The following SRGAP2C variants were observed in gnomAD, a reference collection of about 807,000 sequenced individuals.
The protein encoded by SRGAP2C is SLIT-ROBO Rho GTPase activating protein 2C, also known as SLIT-ROBO Rho GTPase-activating protein 2C.
A neutral mutation model predicts 25.1 loss-of-function variants in SRGAP2C; 15 were observed. That is an observed-to-expected ratio of 0.60 (90% confidence interval 0.40 to 0.92). SRGAP2C has a LOEUF of 0.92. SRGAP2C is among the 40% of genes least tolerant of loss of function. The probability of loss-of-function intolerance (pLI) is 0.00; values close to 1 mark genes in which losing one functional copy is unlikely to be tolerated. For synonymous variants in SRGAP2C, 44 were observed against 96.6 expected (o/e 0.46, Z 3.19); for missense variants, 144 against 264.4 (o/e 0.54, Z 3.16).
intron 3 of SRGAP2C, chr1:121,314,893 G>C: frequency 1.6e-6 from 1 of 630,256 alleles, no homozygotes; most frequent in Non-Finnish European, 2.7e-6. Flanking sequence ...CTGTAGACCG[G>C]AGCTGTTCCT....
At chr1:121,231,104 C>T (rs1655807363) in intron 2 of SRGAP2C, among the ~76,000 whole-genome samples, 1 of 124,518 alleles carries the variant, frequency 8.0e-6, no homozygotes, top group African/African-American at 3.3e-5. Flanking sequence ...TTGATGGGGG[C>T]AGCAAACCAC....
chr1:121,304,210 CA>C (rs1174072520), intron 3 of SRGAP2C, among the ~76,000 whole-genome samples: 4,750 of 21,358 alleles, frequency 0.22, 187 homozygotes, highest in East Asian at 0.39. Flanking sequence ...GACTCCATAT[CA>C]AAAAAAAAAA....
intron 2 of SRGAP2C, among the ~76,000 whole-genome samples, chr1:121,282,810 G>A (rs1443613897): frequency 4.0e-5 from 6 of 148,500 alleles, no homozygotes; most frequent in Admixed American, 3.4e-4. Flanking sequence ...CGCCCGCCTC[G>A]GCCTCCCAAA....
chr1:121,204,606 A>G (rs1655071902), intron 2 of SRGAP2C, among the ~76,000 whole-genome samples: 2 of 152,220 alleles, frequency 1.3e-5, no homozygotes, highest in African/African-American at 4.8e-5. Flanking sequence ...CTTTTAGGCC[A>G]TCTTGCTTTT....
chr1:121,361,324 A>AAATGT (rs1484932656), intron 4 of SRGAP2C: 3 of 124,258 alleles, frequency 2.4e-5, no homozygotes, highest in Non-Finnish European at 5.2e-5. Context: ...CAAGCTCAGG[A>AAATGT]AATGTACTGA....
At chr1:121,336,005 G>A (rs1262503940) in intron 4 of SRGAP2C, among the ~76,000 whole-genome samples, 1 of 150,734 alleles carries the variant, frequency 6.6e-6, no homozygotes, top group Non-Finnish European at 1.5e-5. Context: ...TCATTACAGT[G>A]GGTATATTTT....
intron 2 of SRGAP2C, among the ~76,000 whole-genome samples, chr1:121,238,587 G>A (rs1425358275): frequency 2.0e-5 from 3 of 151,774 alleles, no homozygotes; most frequent in African/African-American, 7.3e-5. Context: ...TTAAGCAGGG[G>A]AGTGACATGA....
intron 2 of SRGAP2C, among the ~76,000 whole-genome samples, chr1:121,255,122 G>T (rs1553332148): frequency 6.6e-6 from 1 of 151,598 alleles, no homozygotes; most frequent in African/African-American, 2.4e-5. Flanking sequence ...CTAGAAATAA[G>T]TGTCAGAGAG....
At chr1:121,309,394 T>G (rs2101594204) in intron 3 of SRGAP2C, among the ~76,000 whole-genome samples, 1 of 143,592 alleles carries the variant, frequency 7.0e-6, no homozygotes, top group South Asian at 2.2e-4. Flanking sequence ...CCATATAATA[T>G]ATCTAGCACT....
chr1:121,372,350 C>T (rs1168281917), intron 5 of SRGAP2C, among the ~76,000 whole-genome samples: 5 of 151,934 alleles, frequency 3.3e-5, no homozygotes, highest in Non-Finnish European at 4.4e-5. Context: ...CTGTCCTGTG[C>T]ATGGGATGTT....
At chr1:121,297,897 T>C (rs1657629142) in intron 3 of SRGAP2C, among the ~76,000 whole-genome samples, 1 of 143,998 alleles carries the variant, frequency 6.9e-6, no homozygotes. Flanking sequence ...ATGTAAATAG[T>C]AGCAACTATT....
chr1:121,353,427 C>T (rs1248106956), intron 4 of SRGAP2C, among the ~76,000 whole-genome samples: 1 of 147,954 alleles, frequency 6.8e-6, no homozygotes, highest in African/African-American at 2.5e-5. Context: ...AAGTGATCTT[C>T]CTGCCTTGGC....
intron 2 of SRGAP2C, among the ~76,000 whole-genome samples, chr1:121,207,886 A>G (rs1269869966): frequency 3.3e-5 from 5 of 152,142 alleles, no homozygotes; most frequent in Non-Finnish European, 7.3e-5. Context: ...AACAGAGATT[A>G]CCCACAGTTG....
At chr1:121,255,092 G>C (rs1337690055) in intron 2 of SRGAP2C, among the ~76,000 whole-genome samples, 2 of 151,750 alleles carry the variant, frequency 1.3e-5, no homozygotes, top group Non-Finnish European at 2.9e-5. Context: ...CTCTTGGTGA[G>C]TTGCTGGCAG....
At chr1:121,217,670 ACT>A (rs1655425168) in intron 2 of SRGAP2C, among the ~76,000 whole-genome samples, 1 of 151,782 alleles carries the variant, frequency 6.6e-6, no homozygotes, top group South Asian at 2.1e-4. Context: ...TTGACATGAG[ACT>A]CTGTGCTGCT....
chr1:121,296,991 C>T (rs1451794198), intron 3 of SRGAP2C, among the ~76,000 whole-genome samples: 1 of 151,214 alleles, frequency 6.6e-6, no homozygotes, highest in Non-Finnish European at 1.5e-5. Flanking sequence ...AGGGAGAACC[C>T]CTGACTTCCT....
At chr1:121,367,157 T>A (rs1361939590) in intron 5 of SRGAP2C, among the ~76,000 whole-genome samples, 2 of 151,870 alleles carry the variant, frequency 1.3e-5, no homozygotes, top group Non-Finnish European at 2.9e-5. Flanking sequence ...ATTGCCTGAG[T>A]GTGGTATCCC....
chr1:121,380,510 AGTTT>A lies in SRGAP2C; in HGVS notation c.832-2187_832-2184del, dbSNP rs587732722. ...GATGGGTAGATTGAAGACAGATTAC[AGTTT>A]GTTCTGGCTATTGAACCTTGCTCAA... On this transcript the variant is annotated intron_variant, in intron 7 of 9. Transcript: ENST00000367123. Among the ~76,000 whole-genome samples the A allele has an allele frequency of 7.7e-3, 1,156 of 150,968 alleles. 7 individuals are homozygous for A. Among genetic ancestry groups the A allele is most frequent in the Non-Finnish European group, 0.013 (914 of 67,832 alleles).
chr1:121,186,381 GC>G (rs55672398), intron 1 of SRGAP2C, among the ~76,000 whole-genome samples: 1 of 86,854 alleles, frequency 1.2e-5, no homozygotes, highest in Non-Finnish European at 2.4e-5. Flanking sequence ...CTGCAGATTT[GC>G]CCCCCCCACC....
Sources: gnomAD v4.1 joint callset for allele counts (sites outside exome capture counted in the v4.1 genomes callset) on GRCh38, gnomAD v4.1.1 for gene constraint, MANE v1.5 for transcripts, NCBI Gene and HGNC (gene_info 2026-07-23, HGNC 2026-07-21) for gene names.